Variants in CDK5RAP2 observed in about 807,000 individuals in gnomAD.
The protein encoded by CDK5RAP2 is CDK5 regulatory subunit-associated protein 2.
In CDK5RAP2, 147 loss-of-function variants were observed where a neutral mutation model predicts 232.9. The observed-to-expected ratio is 0.63, with a 90% CI of 0.55 to 0.72. The LOEUF is 0.72. CDK5RAP2 is among the 30% of genes least tolerant of loss of function. CDK5RAP2 has a pLI of 0.00. For missense variants in CDK5RAP2, 2,195 were observed against 2,231.5 expected (o/e 0.98, Z 0.33); for synonymous variants, 833 against 833.7 (o/e 1.00, Z 0.01).
Position 120,419,909 on chromosome 9 carries a change from C to T in CDK5RAP2, c.4056G>A (p.Glu1352=), listed in dbSNP as rs763537724. The stretch of plus-strand genomic sequence containing the variant: ...CAGAGAGCGCATGAGAGGCTGAAGG[C>T]TCAGGAGATTCAGGCAGAAGATGTT... ...TYQHLLPESP[E]PSASHALSDY... Residue 1352 remains glutamate (E), a synonymous_variant, in exon 27 of 38, where the codon GAG becomes GAA. Transcript: ENST00000349780. 2 of 1,613,966 alleles carry T rather than the reference C, an allele frequency of 1.2e-6. No individual in the cohort carries two copies. The highest frequency in any genetic ancestry group is 1.6e-4 in the Middle Eastern group (1 of 6,062).
intron 11 of CDK5RAP2, among the ~76,000 whole-genome samples, chr9:120,519,081 C>G (rs2040499324): frequency 6.6e-6 from 1 of 151,388 alleles, no homozygotes; most frequent in Non-Finnish European, 1.5e-5. Context: ...AAGGCTGAGG[C>G]AGAGAACTGC....
intron 24 of CDK5RAP2, 81 bp downstream of exon 24, chr9:120,439,317 CT>C: frequency 8.3e-7 from 1 of 1,199,414 alleles, no homozygotes; most frequent in Non-Finnish European, 1.2e-6. Context: ...GTAGTGTTCT[CT>C]TTTAGCTCAT....
Position 120,409,246 on chromosome 9 carries a change from C to G in CDK5RAP2, c.4485G>C (p.Gln1495His), listed in dbSNP as rs762321387. Residue 1495 changes from glutamine to histidine, a missense_variant, in exon 30 of 38, where the codon CAG (glutamine) becomes CAC (histidine). Transcript: ENST00000349780. Reference protein sequence around the residue: ...SRKTVSLEHLQREYASVKEEN... With the variant: ...SRKTVSLEHLHREYASVKEEN... ...CTTCCTTCACGCTGGCATACTCCCGCTGAAGGTGCTCCAGGCTCACGGTCT... is the reference window on the plus strand; with the variant it reads ...CTTCCTTCACGCTGGCATACTCCCGGTGAAGGTGCTCCAGGCTCACGGTCT... 1 of 1,614,002 alleles carries G rather than the reference C, an allele frequency of 6.2e-7. No individual in the cohort carries two copies. The highest frequency in any genetic ancestry group is 8.5e-7 in the Non-Finnish European group (1 of 1,179,940).
intron 8 of CDK5RAP2, among the ~76,000 whole-genome samples, chr9:120,529,477 G>C (rs1238519675): frequency 6.6e-6 from 1 of 152,166 alleles, no homozygotes; most frequent in Non-Finnish European, 1.5e-5. Flanking sequence ...ACGTGACAAG[G>C]AGACCATGAG....
intron 12 of CDK5RAP2, among the ~76,000 whole-genome samples, chr9:120,518,205 GTGTGT>G (rs1480931453): frequency 2.7e-5 from 3 of 109,218 alleles, no homozygotes; most frequent in Admixed American, 1.0e-4. Flanking sequence ...GTGTGTGTGT[GTGTGT>G]GAGAGAGAGA....
intron 31 of CDK5RAP2, chr9:120,407,502 C>T (rs2033540454): frequency 3.7e-6 from 2 of 538,406 alleles, no homozygotes; most frequent in South Asian, 4.2e-5. Flanking sequence ...AAATTGCACA[C>T]CAAACCCCGA....
At chr9:120,396,539 T>C (rs2032479391) in intron 35 of CDK5RAP2, among the ~76,000 whole-genome samples, 1 of 152,172 alleles carries the variant, frequency 6.6e-6, no homozygotes, top group Non-Finnish European at 1.5e-5. Context: ...TGGCACTTCT[T>C]TTAGGATGGC....
At chr9:120,559,781 C>A (rs948975822) in intron 3 of CDK5RAP2, among the ~76,000 whole-genome samples, 4 of 152,122 alleles carry the variant, frequency 2.6e-5, no homozygotes, top group African/African-American at 9.7e-5. Context: ...GGAAACATCT[C>A]AACATGACTA....
At chr9:120,490,677 T>C (rs1221160117) in intron 13 of CDK5RAP2, among the ~76,000 whole-genome samples, 1 of 152,236 alleles carries the variant, frequency 6.6e-6, no homozygotes, top group East Asian at 1.9e-4. Context: ...TTTGTTTTTT[T>C]CTTTTTACCT....
chr9:120,529,624 C>G (rs2041058920), intron 8 of CDK5RAP2, among the ~76,000 whole-genome samples: 1 of 152,208 alleles, frequency 6.6e-6, no homozygotes, highest in South Asian at 2.1e-4. Flanking sequence ...CTCACACCTA[C>G]TTCTAACCAA....
chr9:120,429,173 G>A (rs2035118969), intron 25 of CDK5RAP2, among the ~76,000 whole-genome samples: 1 of 151,586 alleles, frequency 6.6e-6, no homozygotes, highest in Admixed American at 6.6e-5. Context: ...GCAAAAACTG[G>A]AAGCATTCCC....
In CDK5RAP2 at chr9:120,472,601, C is replaced by G. The variant is rs528343960; in HGVS notation, c.1728-723G>C. Reference sequence around the variant, plus strand: ...GAGAAAAGGACTAATCTATTAGGGGCCAAAAAAACTCCACTGTGGTGGGTG... The same window carrying G: ...GAGAAAAGGACTAATCTATTAGGGGGCAAAAAAACTCCACTGTGGTGGGTG... On this transcript the variant is annotated intron_variant, in intron 15 of 37. Coordinates refer to ENST00000349780, the MANE Select transcript of CDK5RAP2 (RefSeq NM_018249.6). Among the ~76,000 whole-genome samples, 3 of 152,128 alleles carry G rather than the reference C, an allele frequency of 2.0e-5. No individual in the cohort carries two copies. The South Asian group carries it at 6.2e-4, about 32-fold the overall frequency.
intron 3 of CDK5RAP2, among the ~76,000 whole-genome samples, chr9:120,562,316 G>T (rs956576711): frequency 1.3e-5 from 2 of 152,106 alleles, no homozygotes; most frequent in African/African-American, 4.8e-5. Flanking sequence ...CCAGGTTTTT[G>T]GAGGGCATGG....
intron 35 of CDK5RAP2, among the ~76,000 whole-genome samples, chr9:120,397,582 A>G (rs1328105233): frequency 2.0e-5 from 3 of 150,378 alleles, no homozygotes; most frequent in Non-Finnish European, 3.0e-5. Flanking sequence ...AGAAAAAAAA[A>G]AAAGCCCAAC....
chr9:120,437,460 G>A lies in CDK5RAP2; in HGVS notation c.3790C>T (p.His1264Tyr). The A allele has an allele frequency of 6.2e-7, 1 of 1,614,130 alleles. No individual in the cohort carries two copies. Among genetic ancestry groups the A allele is most frequent in the East Asian group, 2.2e-5 (1 of 44,880 alleles). The change falls in exon 25 of 38, where the codon CAT becomes TAT. Residue 1264 changes from histidine to tyrosine, a missense_variant. Transcript: ENST00000349780. The part of the protein sequence containing the change: ...SLQRQQIKDG[H>Y]GICVISRQHM... ...TGACGGGAGATGACACAGATGCCAT[G>A]GCCATCCTTAATCTGCTGCCGTTGA...
chr9:120,456,122 G>A (rs1020052091), intron 20 of CDK5RAP2, among the ~76,000 whole-genome samples: 1 of 152,176 alleles, frequency 6.6e-6, no homozygotes, highest in Non-Finnish European at 1.5e-5. Context: ...AACTGGGACA[G>A]AAAATTATGG....
chr9:120,526,120 T>G (rs1000608036), intron 10 of CDK5RAP2, among the ~76,000 whole-genome samples: 1 of 152,218 alleles, frequency 6.6e-6, no homozygotes, highest in Non-Finnish European at 1.5e-5. Context: ...TCCCATTCTA[T>G]ACTCTCCTTA....
rs1381192463 is a variant in CDK5RAP2, at chr9:120,460,633, T to C, written c.2141A>G (p.Lys714Arg). ...ATTAATCTCGTCATCCTCCCCAATTTTGATCGTGTCCTCGTCCTCCTTGCT... is the reference window on the plus strand; with the variant it reads ...ATTAATCTCGTCATCCTCCCCAATTCTGATCGTGTCCTCGTCCTCCTTGCT... ...LASKEDEDTI[K>R]IGEDDEINFL... is the part of the protein sequence containing the mutation. The change falls in exon 19 of 38, where the codon AAA becomes AGA. Residue 714 changes from lysine (K) to arginine (R), a missense_variant. Lys to Arg is a conservative substitution (Grantham distance 26). Coordinates refer to ENST00000349780, the MANE Select transcript of CDK5RAP2 (RefSeq NM_018249.6). The C allele has an allele frequency of 4.3e-6, 7 of 1,614,054 alleles. No homozygotes were observed. In the African/African-American group the frequency reaches 8.0e-5, roughly 18 times the overall value.
chr9:120,446,521 C>T (rs947019259), intron 22 of CDK5RAP2, among the ~76,000 whole-genome samples: 2 of 152,158 alleles, frequency 1.3e-5, no homozygotes, highest in African/African-American at 2.4e-5. Context: ...ACACCGCACT[C>T]GGCCTGTCAA....
Sources: gnomAD v4.1 joint callset for allele counts (sites outside exome capture counted in the v4.1 genomes callset) on GRCh38, gnomAD v4.1.1 for gene constraint, MANE v1.5 for transcripts, NCBI Gene and HGNC (gene_info 2026-07-23, HGNC 2026-07-21) for gene names.